Variants in SDK1 observed in about 807,000 individuals in gnomAD.
SDK1 encodes protein sidekick-1.
A neutral mutation model predicts 245.5 loss-of-function variants in SDK1; 157 were observed. The ratio of observed to expected loss-of-function variants is 0.64; its 90% CI spans 0.56 to 0.73. SDK1 has a LOEUF of 0.73. Among genes scored for constraint, SDK1 ranks in the 30% least tolerant of loss-of-function variants. The pLI is 0.00. For synonymous variants in SDK1, 1,647 were observed against 1,278.5 expected (o/e 1.29, Z -6.15); for missense variants, 3,583 against 3,002.3 (o/e 1.19, Z -4.52).
At chr7:3,674,875 C>G (rs2128664162) in intron 4 of SDK1, among the ~76,000 whole-genome samples, 1 of 152,262 alleles carries the variant, frequency 6.6e-6, no homozygotes, top group East Asian at 1.9e-4. Context: ...TGCTGGTAGA[C>G]TCAAGCCAAT....
chr7:3,392,596 C>G (rs757470777), intron 1 of SDK1, among the ~76,000 whole-genome samples: 1 of 152,256 alleles, frequency 6.6e-6, no homozygotes, highest in Non-Finnish European at 1.5e-5. Context: ...ACTGCAACTT[C>G]TAAGCAATAA....
chr7:3,374,699 C>T (rs1781310423), intron 1 of SDK1, among the ~76,000 whole-genome samples: 1 of 152,126 alleles, frequency 6.6e-6, no homozygotes, highest in Admixed American at 6.6e-5. Context: ...TCTGCTCCTC[C>T]AGTCCCCACT....
At position 4,110,790 on chromosome 7, in the gene SDK1, A is replaced by T. The variant is rs755885650; in HGVS notation, c.3434+18A>T. The T allele has an allele frequency of 6.5e-7, 1 of 1,546,724 alleles. No homozygotes were observed. Among genetic ancestry groups the T allele is most frequent in the Admixed American group, 1.7e-5 (1 of 59,948 alleles). ...CACTACAGGTGAGAACAGCAGTGAT[A>T]AGCTGTTACAGGAGGAAACACTGGC... is the stretch of plus-strand genomic sequence containing the variant. On this transcript the variant is annotated intron_variant, in intron 23 of 44. Transcript: ENST00000404826.
chr7:4,128,221 G>A (rs545788315), intron 26 of SDK1, among the ~76,000 whole-genome samples: 1 of 152,268 alleles, frequency 6.6e-6, no homozygotes, highest in Admixed American at 6.5e-5. Context: ...GCTGCTCCCT[G>A]GGTTTTGAGC....
intron 21 of SDK1, among the ~76,000 whole-genome samples, chr7:4,078,799 C>T (rs34908898): frequency 0.048 from 7,365 of 152,182 alleles, 509 homozygotes; most frequent in African/African-American, 0.15. Flanking sequence ...GCACCCTCAA[C>T]GGGAGGCTCA....
At chr7:4,053,931 G>T (rs917518954) in intron 19 of SDK1, among the ~76,000 whole-genome samples, 6 of 151,608 alleles carry the variant, frequency 4.0e-5, no homozygotes, top group African/African-American at 1.5e-4. Flanking sequence ...GGTGGTGGTG[G>T]TTTTTTTTGT....
At chr7:4,098,695 G>A (rs1055760858) in intron 22 of SDK1, among the ~76,000 whole-genome samples, 3 of 151,866 alleles carry the variant, frequency 2.0e-5, no homozygotes, top group Non-Finnish European at 2.9e-5. Flanking sequence ...ATAGGGTCTC[G>A]CTCTGTCACC....
intron 25 of SDK1, 48 bp downstream of exon 25, chr7:4,114,322 G>A: frequency 4.2e-6 from 6 of 1,437,950 alleles, no homozygotes; most frequent in Non-Finnish European, 5.7e-6. Context: ...TTAGAGATGG[G>A]GCTGAGTGCC....
intron 22 of SDK1, among the ~76,000 whole-genome samples, chr7:4,089,040 T>G (rs567618112): frequency 2.4e-4 from 36 of 149,450 alleles, no homozygotes; most frequent in East Asian, 4.0e-4. Context: ...GCCCCTCAGA[T>G]GGAGGTGAGA....
At chr7:3,982,611 T>C (rs1429638424) in intron 13 of SDK1, among the ~76,000 whole-genome samples, 2 of 151,342 alleles carry the variant, frequency 1.3e-5, no homozygotes, top group African/African-American at 2.4e-5. Context: ...GAGGCTGAGG[T>C]GGGTGGATCA....
chr7:3,374,434 G>C (rs1209262323), intron 1 of SDK1, among the ~76,000 whole-genome samples: 2 of 151,990 alleles, frequency 1.3e-5, no homozygotes, highest in Non-Finnish European at 2.9e-5. Flanking sequence ...TTGGAGGTTG[G>C]GTTGCCTTAC....
At chr7:4,210,709 T>G (rs1297425092) in intron 38 of SDK1, among the ~76,000 whole-genome samples, 1 of 152,222 alleles carries the variant, frequency 6.6e-6, no homozygotes, top group African/African-American at 2.4e-5. Flanking sequence ...ATGCTCCAGA[T>G]GCTGGAATCG....
At chr7:3,580,737 G>C (rs1210285060) in intron 1 of SDK1, among the ~76,000 whole-genome samples, 1 of 152,100 alleles carries the variant, frequency 6.6e-6, no homozygotes, top group Non-Finnish European at 1.5e-5. Context: ...GGGAGACTGA[G>C]GCAGGCGGAG....
At chr7:3,616,998 C>T (rs1466218953) in intron 1 of SDK1, among the ~76,000 whole-genome samples, 1 of 152,146 alleles carries the variant, frequency 6.6e-6, no homozygotes, top group African/African-American at 2.4e-5. Flanking sequence ...GCTAGATTAT[C>T]TGGATTTAAA....
intron 5 of SDK1, among the ~76,000 whole-genome samples, chr7:3,939,324 T>A (rs1293172626): frequency 3.3e-5 from 5 of 152,204 alleles, no homozygotes; most frequent in African/African-American, 1.2e-4. Context: ...CTTAAAAGAA[T>A]AGAAAATGTC....
chr7:3,761,769 G>A (rs1271479226), intron 4 of SDK1, among the ~76,000 whole-genome samples: 2 of 152,002 alleles, frequency 1.3e-5, no homozygotes, highest in African/African-American at 4.8e-5. Flanking sequence ...AAATCATGCA[G>A]GACAGGAACG....
intron 1 of SDK1, among the ~76,000 whole-genome samples, chr7:3,379,670 T>G (rs1459687031): frequency 6.6e-6 from 1 of 152,164 alleles, no homozygotes; most frequent in Non-Finnish European, 1.5e-5. Flanking sequence ...CAGAGAATAA[T>G]GACGTGGGAG....
chr7:3,730,246 C>T (rs760816755), intron 4 of SDK1, among the ~76,000 whole-genome samples: 6 of 152,120 alleles, frequency 3.9e-5, no homozygotes, highest in East Asian at 1.9e-4. Flanking sequence ...ACATACAGTG[C>T]CCACTTATTA....
chr7:3,480,566 G>A (rs1016252121), intron 1 of SDK1, among the ~76,000 whole-genome samples: 2 of 152,212 alleles, frequency 1.3e-5, no homozygotes, highest in Non-Finnish European at 2.9e-5. Context: ...TCCAGCTCCT[G>A]CAACCAGAGA....
Sources: allele counts gnomAD v4.1 joint callset (sites outside exome capture counted in the v4.1 genomes callset), GRCh38; gene constraint gnomAD v4.1.1; transcripts MANE v1.5; gene names NCBI Gene and HGNC (gene_info 2026-07-23, HGNC 2026-07-21).